The following RERE variants were observed in gnomAD, a reference collection of about 807,000 sequenced individuals.
The protein encoded by RERE is arginine-glutamic acid dipeptide repeats protein.
Under a neutral mutation model 146.1 loss-of-function variants are expected in RERE, and 40 were observed. The ratio of observed to expected loss-of-function variants is 0.27; its 90% CI spans 0.21 to 0.36. RERE has a LOEUF of 0.36. RERE is among the 10% of genes least tolerant of loss of function. RERE has a pLI of 1.00. For synonymous variants in RERE, 1,003 were observed against 866.0 expected, an observed-to-expected ratio of 1.16 and a Z score of -2.78; for missense variants, 1,933 against 2,138.7, an observed-to-expected ratio of 0.90 and a Z score of 1.90.
intron 4 of RERE, among the ~76,000 whole-genome samples, chr1:8,603,879 G>A (rs1646664107): frequency 1.3e-5 from 2 of 149,346 alleles, no homozygotes; most frequent in Non-Finnish European, 3.0e-5. Context: ...GGCCGAGGCT[G>A]TAGTGAGCCC....
intron 1 of RERE, among the ~76,000 whole-genome samples, chr1:8,735,760 C>T (rs1431897731): frequency 1.3e-5 from 2 of 152,042 alleles, no homozygotes; most frequent in Non-Finnish European, 2.9e-5. Flanking sequence ...TAGCACCTTC[C>T]GCCTCTCTTC....
chr1:8,742,417 G>C (rs1442465496), intron 1 of RERE, among the ~76,000 whole-genome samples: 4 of 152,132 alleles, frequency 2.6e-5, no homozygotes, highest in South Asian at 2.1e-4. Flanking sequence ...CTGACACTCT[G>C]GGAGGAAATT....
chr1:8,373,186 A>T (rs1642108766), intron 12 of RERE, among the ~76,000 whole-genome samples: 1 of 152,204 alleles, frequency 6.6e-6, no homozygotes, highest in African/African-American at 2.4e-5. Context: ...TTAATTCTTT[A>T]AGACACAAGA....
intron 11 of RERE, among the ~76,000 whole-genome samples, chr1:8,439,689 T>C (rs1644220700): frequency 6.6e-6 from 1 of 152,148 alleles, no homozygotes; most frequent in Non-Finnish European, 1.5e-5. Context: ...CCCTGATACT[T>C]GACTGTAAAT....
At chr1:8,573,671 G>C (rs145179570) in intron 4 of RERE, among the ~76,000 whole-genome samples, 113 of 152,184 alleles carry the variant, frequency 7.4e-4, no homozygotes, top group African/African-American at 2.7e-3. Context: ...CTGAATGTTT[G>C]GTATCACAGC....
intron 7 of RERE, among the ~76,000 whole-genome samples, chr1:8,521,718 C>T (rs1335084258): frequency 2.6e-5 from 4 of 152,102 alleles, no homozygotes; most frequent in African/African-American, 4.8e-5. Context: ...CGAATGTCAC[C>T]GCTTGCCCAA....
At chr1:8,785,038 A>G (rs1187979208) in intron 1 of RERE, among the ~76,000 whole-genome samples, 1 of 152,236 alleles carries the variant, frequency 6.6e-6, no homozygotes, top group East Asian at 1.9e-4. Flanking sequence ...CCACCTAGGT[A>G]AAATCCTATC....
chr1:8,393,752 A>G (rs1346182692), intron 12 of RERE, among the ~76,000 whole-genome samples: 1 of 152,232 alleles, frequency 6.6e-6, no homozygotes, highest in Non-Finnish European at 1.5e-5. Context: ...GACAATTTAC[A>G]TGAATGAAAG....
chr1:8,649,324 C>T (rs1406140246), intron 2 of RERE, among the ~76,000 whole-genome samples: 2 of 152,278 alleles, frequency 1.3e-5, no homozygotes, highest in Non-Finnish European at 1.5e-5. Flanking sequence ...TTAAATCATT[C>T]ATTGGGAAGT....
chr1:8,789,951 T>G (rs1014423166), intron 1 of RERE, among the ~76,000 whole-genome samples: 3 of 152,246 alleles, frequency 2.0e-5, no homozygotes, highest in Non-Finnish European at 4.4e-5. Flanking sequence ...AGTACTTGGT[T>G]AAATTCCGCT....
At chr1:8,602,425 C>T (rs768968855) in intron 4 of RERE, among the ~76,000 whole-genome samples, 26 of 149,460 alleles carry the variant, frequency 1.7e-4, no homozygotes, top group Non-Finnish European at 1.6e-4. Flanking sequence ...CATAATAAAA[C>T]AGCCTCACGC....
At chr1:8,402,651 G>A (rs1018181278) in intron 12 of RERE, among the ~76,000 whole-genome samples, 3 of 152,048 alleles carry the variant, frequency 2.0e-5, no homozygotes, top group Non-Finnish European at 2.9e-5. Context: ...CACTTAAGAC[G>A]TTTATGTTTT....
At chr1:8,565,141 A>C (rs1324875241) in intron 4 of RERE, among the ~76,000 whole-genome samples, 1 of 152,152 alleles carries the variant, frequency 6.6e-6, no homozygotes, top group African/African-American at 2.4e-5. Flanking sequence ...GGGTTTTTTA[A>C]ATGATCGACT....
Position 8,604,115 on chromosome 1 carries a change from C to G in RERE, c.522+10446G>C, listed in dbSNP as rs547584626. Among the ~76,000 whole-genome samples, 8 of 152,224 alleles carry G rather than the reference C, an allele frequency of 5.3e-5. No homozygotes were observed. The South Asian group carries it at 1.7e-3, about 32-fold the overall frequency. ...GGAGTATGGATTCCTGGGTTTGACT[C>G]TGGAACAAATGAATCAGTATTCTCA... On this transcript the variant is annotated intron_variant, in intron 4 of 22. Coordinates refer to ENST00000400908, the MANE Select transcript of RERE (RefSeq NM_001042681.2).
At chr1:8,389,452 C>A (rs985822494) in intron 12 of RERE, among the ~76,000 whole-genome samples, 2 of 152,226 alleles carry the variant, frequency 1.3e-5, no homozygotes, top group African/African-American at 4.8e-5. Flanking sequence ...TTCTAGATTT[C>A]TGCTGCTGTG....
At chr1:8,501,348 C>T (rs1456996740) in intron 8 of RERE, among the ~76,000 whole-genome samples, 2 of 98,908 alleles carry the variant, frequency 2.0e-5, no homozygotes, top group East Asian at 3.6e-4. Flanking sequence ...GTCAGCACCC[C>T]GCCCGGCCAG....
intron 12 of RERE, among the ~76,000 whole-genome samples, chr1:8,404,003 G>A (rs568015761): frequency 3.3e-5 from 5 of 151,484 alleles, no homozygotes; most frequent in South Asian, 2.1e-4. Flanking sequence ...GCTAATTTTC[G>A]TATTTTTAGT....
intron 11 of RERE, among the ~76,000 whole-genome samples, chr1:8,426,124 C>T (rs970727632): frequency 2.0e-5 from 3 of 152,070 alleles, no homozygotes; most frequent in Admixed American, 6.5e-5. Flanking sequence ...TTCTCGGGTC[C>T]AATGTCAAAT....
intron 12 of RERE, among the ~76,000 whole-genome samples, chr1:8,407,814 G>C (rs1643492282): frequency 6.6e-6 from 1 of 152,178 alleles, no homozygotes; most frequent in South Asian, 2.1e-4. Flanking sequence ...TCTTTCTTTT[G>C]AAACAGAGAA....
Sources: allele counts gnomAD v4.1 joint callset (sites outside exome capture counted in the v4.1 genomes callset), GRCh38; gene constraint gnomAD v4.1.1; transcripts MANE v1.5; gene names NCBI Gene and HGNC (gene_info 2026-07-23, HGNC 2026-07-21).